The following SLC36A1 variants were observed in gnomAD, a reference collection of about 807,000 sequenced individuals.
SLC36A1 encodes the protein proton-coupled amino acid transporter 1.
Under a neutral mutation model 47.5 loss-of-function variants are expected in SLC36A1, and 30 were observed. The ratio of observed to expected loss-of-function variants is 0.63; its 90% CI spans 0.47 to 0.86. The LOEUF is 0.86. Ranked by LOEUF, SLC36A1 falls within the 40% of genes least tolerant of loss-of-function variation. SLC36A1 has a pLI of 0.00. For synonymous variants in SLC36A1, 255 were observed against 249.7 expected (o/e 1.02, Z -0.20); for missense variants, 517 against 606.0 (o/e 0.85, Z 1.54).
At chr5:151,496,773 C>A (rs1760356309), downstream of SLC36A1, among the ~76,000 whole-genome samples, 2 of 152,210 alleles carry the variant, frequency 1.3e-5, no homozygotes, top group African/African-American at 2.4e-5. Flanking sequence ...TCAGGCTGGT[C>A]TTGAACTTCT....
At chr5:151,440,052 TACCCA>T in intron 1 of SLC36A1, among the ~76,000 whole-genome samples, 1 of 152,342 alleles carries the variant, frequency 6.6e-6, no homozygotes, top group Middle Eastern at 3.4e-3. Flanking sequence ...AGCGAAGAAT[TACCCA>T]GACCACCCAC....
the SLC36A1 span, among the ~76,000 whole-genome samples, chr5:151,383,157 C>A: frequency 3.3e-5 from 5 of 152,168 alleles, no homozygotes; most frequent in African/African-American, 1.2e-4. Context: ...CGGTAACCTG[C>A]AGCTGTTCCT....
chr5:151,368,272 C>A, the SLC36A1 span, among the ~76,000 whole-genome samples: 5 of 152,230 alleles, frequency 3.3e-5, no homozygotes, highest in African/African-American at 1.2e-4. Flanking sequence ...CTAAAACCTT[C>A]CTGATGTGTA....
the SLC36A1 span, among the ~76,000 whole-genome samples, chr5:151,371,126 T>A: frequency 6.6e-6 from 1 of 151,810 alleles, no homozygotes; most frequent in East Asian, 1.9e-4. Context: ...TCAAAAAGTG[T>A]CTCCAGACAT....
At chr5:151,425,950 C>T in the SLC36A1 span, among the ~76,000 whole-genome samples, 1,672 of 149,986 alleles carry the variant, frequency 0.011, 71 homozygotes, top group East Asian at 0.15. Flanking sequence ...CAGAGATAGT[C>T]CCTCTCTCTC....
chr5:151,425,385 G>A, the SLC36A1 span: 7,086 of 152,374 alleles, frequency 0.047, 503 homozygotes, highest in African/African-American at 0.16. Context: ...TGTAGATCAG[G>A]GTTTGCAACC....
chr5:151,347,363 T>A, the SLC36A1 span: 1 of 1,614,264 alleles, frequency 6.2e-7, no homozygotes, highest in Non-Finnish European at 8.5e-7. Flanking sequence ...TGTAGAGTCC[T>A]TGTTCTCCAA....
At chr5:151,535,715 G>C in the SLC36A1 span, among the ~76,000 whole-genome samples, 1 of 152,218 alleles carries the variant, frequency 6.6e-6, no homozygotes, top group Non-Finnish European at 1.5e-5. Context: ...CTGGAGGCCT[G>C]GACTTGCAAC....
the SLC36A1 span, chr5:151,522,183 C>T: frequency 3.5e-5 from 35 of 988,360 alleles, no homozygotes; most frequent in South Asian, 5.5e-4. Flanking sequence ...GTTTCTCTGC[C>T]CCACGCCCAA....
the SLC36A1 span, among the ~76,000 whole-genome samples, chr5:151,411,780 C>T: frequency 6.9e-6 from 1 of 144,262 alleles, no homozygotes; most frequent in Non-Finnish European, 1.5e-5. Flanking sequence ...GTTTTTCCCA[C>T]GGATAAGAAA....
intron 10 of SLC36A1, among the ~76,000 whole-genome samples, chr5:151,484,300 A>T (rs1388400786): frequency 6.6e-6 from 1 of 152,220 alleles, no homozygotes; most frequent in Non-Finnish European, 1.5e-5. Context: ...TCTTGAGCGG[A>T]CATCAGCATT....
chr5:151,503,277 C>T, the SLC36A1 span, among the ~76,000 whole-genome samples: 1 of 148,006 alleles, frequency 6.8e-6, no homozygotes, highest in Admixed American at 6.6e-5. Context: ...ACAACTATAC[C>T]ATTCTGGTGG....
At chr5:151,376,203 G>A in the SLC36A1 span, among the ~76,000 whole-genome samples, 1 of 152,030 alleles carries the variant, frequency 6.6e-6, no homozygotes, top group Non-Finnish European at 1.5e-5. Flanking sequence ...TTTATCATGA[G>A]GGAATGCTGG....
chr5:151,442,620 A>C (rs1752692544), upstream of SLC36A1, among the ~76,000 whole-genome samples: 2 of 152,184 alleles, frequency 1.3e-5, no homozygotes, highest in South Asian at 2.1e-4. Context: ...ATCCTTTAAC[A>C]AATCTCTCCC....
the SLC36A1 span, among the ~76,000 whole-genome samples, chr5:151,363,713 G>C: frequency 6.6e-6 from 1 of 152,146 alleles, no homozygotes; most frequent in Admixed American, 6.5e-5. Context: ...GGAATGTCAT[G>C]ATTTTATTTG....
chr5:151,378,789 T>C, the SLC36A1 span: 1 of 152,544 alleles, frequency 6.6e-6, no homozygotes, highest in Non-Finnish European at 1.5e-5. Context: ...CTGGGCCACC[T>C]GCCACCTCTA....
At chr5:151,543,526 T>C in the SLC36A1 span, 1 of 1,614,186 alleles carries the variant, frequency 6.2e-7, no homozygotes, top group African/African-American at 1.3e-5. Flanking sequence ...AATCTGGCCA[T>C]TGGGGTTTAT....
chr5:151,435,370 T>C (rs1759707694), upstream of SLC36A1, among the ~76,000 whole-genome samples: 1 of 152,116 alleles, frequency 6.6e-6, no homozygotes, highest in Non-Finnish European at 1.5e-5. Context: ...CAAAAGAAAT[T>C]GGAGAGAACT....
At chr5:151,419,567 C>T in the SLC36A1 span, among the ~76,000 whole-genome samples, 25,537 of 152,172 alleles carry the variant, frequency 0.17, 2,389 homozygotes, top group East Asian at 0.38. Context: ...TTCTTTAGGG[C>T]AGTGGTTCTC....
Sources: allele counts gnomAD v4.1 joint callset (sites outside exome capture counted in the v4.1 genomes callset), GRCh38; gene constraint gnomAD v4.1.1; transcripts MANE v1.5; gene names NCBI Gene and HGNC (gene_info 2026-07-23, HGNC 2026-07-21).